The following ALK variants were observed in gnomAD, a reference collection of about 807,000 sequenced individuals.
ALK encodes the protein ALK receptor tyrosine kinase.
Under a neutral mutation model 163.1 loss-of-function variants are expected in ALK, and 74 were observed. The observed-to-expected ratio is 0.45, with a 90% CI of 0.38 to 0.55. The LOEUF is 0.55. ALK is among the 20% of genes least tolerant of loss of function. The pLI is 0.00. For synonymous variants in ALK, 960 were observed against 843.2 expected (o/e 1.14, Z -2.40); for missense variants, 2,063 against 2,105.3 (o/e 0.98, Z 0.39).
At chr2:29,585,333 AC>A (rs1674850756) in intron 3 of ALK, among the ~76,000 whole-genome samples, 1 of 143,078 alleles carries the variant, frequency 7.0e-6, no homozygotes, top group Non-Finnish European at 1.5e-5. Context: ...AGCTATTATT[AC>A]TATTTTTTTG....
chr2:29,272,487 T>C lies in ALK; in HGVS notation c.2041+2612A>G, dbSNP rs78407780. On this transcript the variant is annotated intron_variant, in intron 11 of 28. Coordinates refer to ENST00000389048, the MANE Select transcript of ALK (RefSeq NM_004304.5). ...ACCTCCCAGATCCAAGGAGTCAGGC[T>C]GAGTCCCTCATCAGAAGGGAGGGCT... Among the ~76,000 whole-genome samples the C allele has an allele frequency of 8.6e-3, 1,313 of 152,278 alleles. 19 individuals carry two copies. The highest frequency in any genetic ancestry group is 0.03 in the African/African-American group (1,243 of 41,562).
intron 1 of ALK, among the ~76,000 whole-genome samples, chr2:29,845,975 T>C (rs1219457762): frequency 1.3e-5 from 2 of 152,230 alleles, no homozygotes; most frequent in Non-Finnish European, 2.9e-5. Context: ...TCCTGCCTCA[T>C]GAAGGAAGCC....
chr2:29,657,146 G>C (rs571709639), intron 3 of ALK, among the ~76,000 whole-genome samples: 1 of 152,260 alleles, frequency 6.6e-6, no homozygotes, highest in East Asian at 1.9e-4. Flanking sequence ...AAGCTAATTA[G>C]TTGGACACAA....
intron 2 of ALK, 22 bp downstream of exon 2, chr2:29,717,556 T>A (rs1411903523): frequency 6.2e-7 from 1 of 1,613,784 alleles, no homozygotes; most frequent in Non-Finnish European, 8.5e-7. Context: ...GTATCTCAAG[T>A]AAATATTAAA....
chr2:29,665,255 G>C (rs1254389527), intron 3 of ALK, among the ~76,000 whole-genome samples: 2 of 151,850 alleles, frequency 1.3e-5, no homozygotes, highest in Non-Finnish European at 2.9e-5. Context: ...CCAAAGTGTT[G>C]GGAATACAGG....
At chr2:29,482,277 T>A (rs1001672663) in intron 4 of ALK, among the ~76,000 whole-genome samples, 1 of 152,106 alleles carries the variant, frequency 6.6e-6, no homozygotes, top group African/African-American at 2.4e-5. Flanking sequence ...GGGGAGTTAT[T>A]TTACTGTTTA....
chr2:29,491,323 CCG>C (rs751342756), intron 4 of ALK, among the ~76,000 whole-genome samples: 113 of 152,196 alleles, frequency 7.4e-4, no homozygotes, highest in Non-Finnish European at 1.3e-3. Context: ...TAGAACAGGG[CCG>C]AGTTCATAAT....
At chr2:29,611,651 G>C (rs1675694969) in intron 3 of ALK, among the ~76,000 whole-genome samples, 2 of 152,200 alleles carry the variant, frequency 1.3e-5, no homozygotes, top group Admixed American at 6.5e-5. Flanking sequence ...GAGGGGCCTA[G>C]TGGGAGGTGA....
At chr2:29,848,902 C>T (rs756167392) in intron 1 of ALK, among the ~76,000 whole-genome samples, 19 of 152,150 alleles carry the variant, frequency 1.2e-4, no homozygotes, top group Non-Finnish European at 2.4e-4. Context: ...TTCTAGAGTG[C>T]GAAATATTGA....
chr2:29,725,695 T>A (rs1439442142), intron 1 of ALK, among the ~76,000 whole-genome samples: 1 of 152,130 alleles, frequency 6.6e-6, no homozygotes, highest in Non-Finnish European at 1.5e-5. Flanking sequence ...TCACAGTGGC[T>A]GTTTTTGGTT....
intron 3 of ALK, among the ~76,000 whole-genome samples, chr2:29,624,651 T>C (rs558831325): frequency 4.4e-4 from 67 of 152,310 alleles, no homozygotes; most frequent in African/African-American, 1.6e-3. Flanking sequence ...CTGGGCTTAA[T>C]ACTGGGTGAT....
chr2:29,684,626 G>A (rs1678183963), intron 3 of ALK, among the ~76,000 whole-genome samples: 2 of 152,188 alleles, frequency 1.3e-5, no homozygotes, highest in Admixed American at 1.3e-4. Context: ...GGCACTTCCA[G>A]ACACCCCAAT....
intron 4 of ALK, among the ~76,000 whole-genome samples, chr2:29,493,373 G>A (rs1671948931): frequency 1.3e-5 from 2 of 152,114 alleles, no homozygotes. Context: ...CTCAGCCAAG[G>A]CCAAAGGCGT....
intron 3 of ALK, among the ~76,000 whole-genome samples, chr2:29,614,524 A>C (rs1675787079): frequency 6.6e-6 from 1 of 152,150 alleles, no homozygotes; most frequent in South Asian, 2.1e-4. Flanking sequence ...ATCCACTCCA[A>C]ATGATCTGGA....
chr2:29,288,971 T>TAA (rs1665942692), intron 9 of ALK, among the ~76,000 whole-genome samples: 1 of 34,524 alleles, frequency 2.9e-5, no homozygotes, highest in Admixed American at 3.5e-4. Flanking sequence ...AATAAATAAA[T>TAA]AAATAAATAA....
At chr2:29,311,767 A>G (rs1666701537) in intron 8 of ALK, among the ~76,000 whole-genome samples, 1 of 152,126 alleles carries the variant, frequency 6.6e-6, no homozygotes, top group African/African-American at 2.4e-5. Flanking sequence ...TCTCATTTAT[A>G]AAAAGGTGAC....
chr2:29,791,729 G>A (rs1030476312), intron 1 of ALK, among the ~76,000 whole-genome samples: 2 of 152,012 alleles, frequency 1.3e-5, no homozygotes, highest in African/African-American at 4.8e-5. Flanking sequence ...TGACGCTTTT[G>A]TAATCTCATT....
intron 1 of ALK, among the ~76,000 whole-genome samples, chr2:29,869,358 G>A (rs1001500506): frequency 2.0e-5 from 3 of 152,264 alleles, no homozygotes; most frequent in South Asian, 2.1e-4. Context: ...AAGATAGTTA[G>A]GCTAAGGTAA....
In ALK at chr2:29,235,361, CGGCAA is replaced by C. The variant is rs1180043652; in HGVS notation, c.2356-1670_2356-1666del. ...CTTACGCTAAAGCGCTCAGGGGTGC[CGGCAA>C]TGAGTACTACAGAAATTTCCAGATA... On this transcript the variant is annotated intron_variant, in intron 13 of 28. Coordinates refer to ENST00000389048, the MANE Select transcript of ALK (RefSeq NM_004304.5). Among the ~76,000 whole-genome samples the C allele has an allele frequency of 2.0e-5, 3 of 152,194 alleles. No homozygotes were observed. In the East Asian group the frequency reaches 5.8e-4, roughly 29 times the overall value.
Sources: gnomAD v4.1 joint callset for allele counts (sites outside exome capture counted in the v4.1 genomes callset) on GRCh38, gnomAD v4.1.1 for gene constraint, MANE v1.5 for transcripts, NCBI Gene and HGNC (gene_info 2026-07-23, HGNC 2026-07-21) for gene names.